The following HIBADH variants were observed in gnomAD, a reference collection of about 807,000 sequenced individuals.
The protein encoded by HIBADH is 3-hydroxyisobutyrate dehydrogenase, mitochondrial.
In HIBADH, 25 loss-of-function variants were observed where a neutral mutation model predicts 36.1. The observed-to-expected ratio is 0.69, with a 90% CI of 0.50 to 0.97. The LOEUF (loss-of-function observed/expected upper bound fraction) is 0.97. Among genes scored for constraint, HIBADH ranks in the 50% least tolerant of loss-of-function variants. The pLI, the probability that HIBADH is intolerant of heterozygous loss-of-function variation, is 0.00. For synonymous variants in HIBADH, 160 were observed against 149.5 expected (o/e 1.07, Z -0.51); for missense variants, 421 against 418.0 (o/e 1.01, Z -0.06).
chr7:27,618,743 C>G (rs1314867236), intron 4 of HIBADH, among the ~76,000 whole-genome samples: 2 of 152,152 alleles, frequency 1.3e-5, no homozygotes, highest in African/African-American at 4.8e-5. Context: ...AGCATGGCAT[C>G]AGCATCTGCA....
At chr7:27,589,963 G>C (rs1784917378) in intron 4 of HIBADH, among the ~76,000 whole-genome samples, 1 of 151,978 alleles carries the variant, frequency 6.6e-6, no homozygotes. Flanking sequence ...TTCTGATTTG[G>C]GTTACAACAT....
At chr7:27,533,511 A>G (rs1203558218) in intron 6 of HIBADH, among the ~76,000 whole-genome samples, 1 of 152,132 alleles carries the variant, frequency 6.6e-6, no homozygotes, top group Admixed American at 6.6e-5. Context: ...CATTAAAAAG[A>G]GCAAGTTAGA....
intron 4 of HIBADH, among the ~76,000 whole-genome samples, chr7:27,543,532 G>C (rs1784190030): frequency 6.6e-6 from 1 of 152,134 alleles, no homozygotes; most frequent in Non-Finnish European, 1.5e-5. Context: ...TTTGGATTCG[G>C]GGTTCTTGCT....
chr7:27,602,613 G>C (rs1371788711), intron 4 of HIBADH, among the ~76,000 whole-genome samples: 1 of 152,064 alleles, frequency 6.6e-6, no homozygotes, highest in Non-Finnish European at 1.5e-5. Context: ...GAGCTAAGCT[G>C]ATATACTATG....
intron 4 of HIBADH, among the ~76,000 whole-genome samples, chr7:27,554,403 G>T (rs2128185868): frequency 6.6e-6 from 1 of 152,286 alleles, no homozygotes; most frequent in Admixed American, 6.5e-5. Flanking sequence ...TCTGTGATTG[G>T]AGTTGGCTAT....
intron 2 of HIBADH, among the ~76,000 whole-genome samples, chr7:27,643,360 G>A (rs547234238): frequency 6.6e-6 from 1 of 152,322 alleles, no homozygotes; most frequent in East Asian, 1.9e-4. Flanking sequence ...GAACAGCTGT[G>A]TACAGCAGAG....
At chr7:27,584,815 A>G (rs1784835398) in intron 4 of HIBADH, among the ~76,000 whole-genome samples, 1 of 152,104 alleles carries the variant, frequency 6.6e-6, no homozygotes, top group Non-Finnish European at 1.5e-5. Context: ...TGTTAAGAAT[A>G]CGATACCACT....
intron 4 of HIBADH, among the ~76,000 whole-genome samples, chr7:27,580,845 A>G (rs1784776912): frequency 6.6e-6 from 1 of 152,170 alleles, no homozygotes; most frequent in Non-Finnish European, 1.5e-5. Flanking sequence ...AGAAGGTAAG[A>G]GAGGTGGAGA....
chr7:27,593,628 A>C (rs1178109378), intron 4 of HIBADH, among the ~76,000 whole-genome samples: 1 of 152,198 alleles, frequency 6.6e-6, no homozygotes, highest in East Asian at 1.9e-4. Context: ...ACTTGTTATC[A>C]CTACTATTAT....
chr7:27,607,765 C>T (rs71539529), intron 4 of HIBADH, among the ~76,000 whole-genome samples: 23,983 of 151,848 alleles, frequency 0.16, 2,063 homozygotes, highest in Middle Eastern at 0.19. Context: ...AATGTTATAG[C>T]CTAAGGTAAA....
At chr7:27,624,206 T>A (rs1159548924) in intron 4 of HIBADH, among the ~76,000 whole-genome samples, 1 of 147,292 alleles carries the variant, frequency 6.8e-6, no homozygotes, top group Non-Finnish European at 1.5e-5. Flanking sequence ...AAAAAAAAAA[T>A]CCTAAAATTT....
intron 7 of HIBADH, among the ~76,000 whole-genome samples, chr7:27,530,200 C>A (rs1285313145): frequency 1.5e-5 from 1 of 66,274 alleles, no homozygotes. Flanking sequence ...TATATGTATT[C>A]TTTTTCTTTT....
chr7:27,539,983 G>C (rs1784124403), intron 5 of HIBADH, among the ~76,000 whole-genome samples: 1 of 152,040 alleles, frequency 6.6e-6, no homozygotes, highest in Non-Finnish European at 1.5e-5. Context: ...AGGAGGAAGA[G>C]GAGGGGTTGC....
At chr7:27,639,105 A>G (rs950836563) in intron 2 of HIBADH, among the ~76,000 whole-genome samples, 10 of 152,228 alleles carry the variant, frequency 6.6e-5, no homozygotes, top group South Asian at 2.1e-4. Context: ...ACCCAAAGGA[A>G]TATAAACAGT....
At chr7:27,562,257 C>G (rs995620946) in intron 4 of HIBADH, among the ~76,000 whole-genome samples, 4 of 152,104 alleles carry the variant, frequency 2.6e-5, no homozygotes, top group Admixed American at 6.6e-5. Context: ...TTTCACCATG[C>G]ATACTTGAAG....
chr7:27,551,352 T>C (rs551834258), intron 4 of HIBADH, among the ~76,000 whole-genome samples: 30 of 152,272 alleles, frequency 2.0e-4, no homozygotes, highest in Non-Finnish European at 4.1e-4. Context: ...GGTTTCTTCA[T>C]CTGAAAACAG....
At chr7:27,599,883 AC>A (rs1428526131) in intron 4 of HIBADH, among the ~76,000 whole-genome samples, 1 of 152,034 alleles carries the variant, frequency 6.6e-6, no homozygotes, top group Non-Finnish European at 1.5e-5. Context: ...TTATAATCAC[AC>A]AAAAAATTCA....
chr7:27,645,382 T>TTTTTGTTTTGTTTTTG (rs1554300967), intron 2 of HIBADH, among the ~76,000 whole-genome samples: 1 of 129,104 alleles, frequency 7.7e-6, no homozygotes, highest in African/African-American at 3.1e-5. Flanking sequence ...TTTTTTTTTT[T>TTTTTGTTTTGTTTTTG]TTTTTTTTTT....
chr7:27,553,100 A>G (rs1784341493), intron 4 of HIBADH, among the ~76,000 whole-genome samples: 1 of 152,242 alleles, frequency 6.6e-6, no homozygotes, highest in South Asian at 2.1e-4. Flanking sequence ...AATGCATATA[A>G]ATAAACTATA....
Sources: gnomAD v4.1 joint callset for allele counts (sites outside exome capture counted in the v4.1 genomes callset) on GRCh38, gnomAD v4.1.1 for gene constraint, MANE v1.5 for transcripts, NCBI Gene and HGNC (gene_info 2026-07-23, HGNC 2026-07-21) for gene names.